TPR: variants seen among roughly 807,000 people sequenced by gnomAD.
The protein encoded by TPR is nucleoprotein TPR.
Under a neutral mutation model 316.1 loss-of-function variants are expected in TPR, and 51 were observed. That is an observed-to-expected ratio of 0.16 (90% confidence interval 0.13 to 0.20). TPR has a LOEUF of 0.20. Ranked by LOEUF, TPR falls within the 10% of genes least tolerant of loss-of-function variation. The pLI is 1.00. For missense variants in TPR, 2,272 were observed against 2,754.8 expected (o/e 0.82, Z 3.92); for synonymous variants, 981 against 914.7 (o/e 1.07, Z -1.31).
At chr1:186,349,856 G>T (rs944278571) in intron 21 of TPR, among the ~76,000 whole-genome samples, 2 of 152,086 alleles carry the variant, frequency 1.3e-5, no homozygotes, top group African/African-American at 4.8e-5. Context: ...TTCTTTAAGA[G>T]AAACTTATTC....
intron 3 of TPR, among the ~76,000 whole-genome samples, chr1:186,370,454 C>A (rs926181851): frequency 6.6e-6 from 1 of 151,936 alleles, no homozygotes; most frequent in Non-Finnish European, 1.5e-5. Flanking sequence ...GGCTTTTTTG[C>A]GCCTATTCAG....
chr1:186,347,592 A>G (rs899329045), intron 21 of TPR, 134 bp from the exon 22 acceptor site: 3 of 878,512 alleles, frequency 3.4e-6, no homozygotes, highest in Non-Finnish European at 4.7e-6. Flanking sequence ...ATCCATGCCG[A>G]ATACCAAAAT....
chr1:186,356,466 C>T lies in TPR; in HGVS notation c.1725-17G>A. 1 of 1,599,186 alleles carries T rather than the reference C, an allele frequency of 6.3e-7. No homozygotes were observed. The highest frequency in any genetic ancestry group is 1.1e-5 in the South Asian group (1 of 89,516). ...TCAGTGATTCTGTAGAAAAAGTCGG[C>T]CTAATTCACAGGACTGAACTGAGAG... On this transcript the variant is annotated splice_polypyrimidine_tract_variant and intron_variant, in intron 14 of 50. Coordinates refer to ENST00000367478, the MANE Select transcript of TPR (RefSeq NM_003292.3).
intron 3 of TPR, 59 bp from the exon 4 acceptor site, chr1:186,368,041 C>A: frequency 8.0e-7 from 1 of 1,246,754 alleles, no homozygotes; most frequent in South Asian, 1.3e-5. Context: ...GGAAAGCGAA[C>A]ATAGAATTGT....
chr1:186,349,485 C>G (rs1018734099), intron 21 of TPR, among the ~76,000 whole-genome samples: 13 of 149,776 alleles, frequency 8.7e-5, no homozygotes, highest in African/African-American at 3.3e-4. Flanking sequence ...AACCCCATCT[C>G]TACTAAAAAA....
At chr1:186,350,491 G>A in intron 20 of TPR, 103 bp from the exon 21 acceptor site, 1 of 862,084 alleles carries the variant, frequency 1.2e-6, no homozygotes, top group Non-Finnish European at 1.6e-6. Flanking sequence ...GAGAGTAACA[G>A]AAAACAGATT....
chr1:186,368,016 A>C, intron 3 of TPR, 34 bp from the exon 4 acceptor site: 1 of 1,484,286 alleles, frequency 6.7e-7, no homozygotes, highest in Non-Finnish European at 9.3e-7. Context: ...TAAGAAAATC[A>C]AGTAGAGCAA....
rs1659191659 is a variant in TPR, at chr1:186,361,640, A to G, written c.940T>C (p.Leu314=). ...CACTTACCTTCACCAGCTTCTTTCA[A>G]AAGTTTGTGTAGTTCCTCTACTGCC... The part of the protein sequence containing the change: ...TRAVEELHKL[L]KEAGEANKAI... The change falls in exon 9 of 51, where the codon TTG becomes CTG. Residue 314 remains leucine, a synonymous_variant. Transcript: ENST00000367478. The G allele has an allele frequency of 6.2e-7, 1 of 1,613,246 alleles. No individual in the cohort carries two copies. The highest frequency in any genetic ancestry group is 1.3e-5 in the African/African-American group (1 of 74,896).
chr1:186,342,150 T>C (rs1658527431), intron 27 of TPR: 1 of 152,348 alleles, frequency 6.6e-6, no homozygotes, highest in Admixed American at 6.5e-5. Flanking sequence ...TTTTTTTGTA[T>C]TTTTAGTAGA....
chr1:186,327,042 T>A (rs1334989804), intron 40 of TPR, among the ~76,000 whole-genome samples: 1 of 43,632 alleles, frequency 2.3e-5, no homozygotes, highest in Non-Finnish European at 4.2e-5. Context: ...TAAATATATA[T>A]AAATATATAA....
At chr1:186,346,330 T>C (rs752131878) in intron 22 of TPR, 43 bp from the exon 23 acceptor site, 2 of 1,536,108 alleles carry the variant, frequency 1.3e-6, no homozygotes, top group Non-Finnish European at 1.8e-6. Flanking sequence ...ATTACACACA[T>C]TTAAAGTCAT....
chr1:186,331,464 A>G, intron 39 of TPR, 34 bp downstream of exon 39: 1 of 1,479,958 alleles, frequency 6.8e-7, no homozygotes, highest in Non-Finnish European at 9.3e-7. Context: ...CACGAAAAGC[A>G]ACGGTGTGGT....
chr1:186,375,141 G>T lies in TPR; in HGVS notation c.-113C>A. The T allele has an allele frequency of 6.4e-7, 1 of 1,550,950 alleles. No individual in the cohort carries two copies. Among genetic ancestry groups the T allele is most frequent in the Non-Finnish European group, 8.7e-7 (1 of 1,147,850 alleles). On this transcript the variant is annotated 5_prime_UTR_variant, in exon 1 of 51. Coordinates refer to ENST00000367478, the MANE Select transcript of TPR (RefSeq NM_003292.3). Reference sequence around the variant, plus strand: ...GGCCGCCGCCTCTATCACCTCGCTCGGTGGCTCGCGCGCGCCCGCCCGCCG... The same window carrying T: ...GGCCGCCGCCTCTATCACCTCGCTCTGTGGCTCGCGCGCGCCCGCCCGCCG...
intron 5 of TPR, 75 bp from the exon 6 acceptor site, chr1:186,363,076 A>G (rs2101986213): frequency 7.0e-7 from 1 of 1,430,004 alleles, no homozygotes. Context: ...GTCTGTAGCT[A>G]AGGGACACAA....
chr1:186,332,239 G>T lies in TPR; in HGVS notation c.5560C>A (p.Pro1854Thr). ...DQVSDDTVEM[P>T]LPKKLKSVTP... ...ACACTTTTCAACTTCTTTGGAAGAG[G>T]CATTTCCACTGTATCATCAGAGACT... The change falls in exon 38 of 51, where the codon CCT (proline) becomes ACT (threonine). Residue 1854 changes from proline to threonine, a missense_variant. Transcript: ENST00000367478. 1 of 1,612,106 alleles carries T rather than the reference G, an allele frequency of 6.2e-7. No homozygotes were observed. The highest frequency in any genetic ancestry group is 8.5e-7 in the Non-Finnish European group (1 of 1,179,184).
chr1:186,327,299 A>ATAAATATATT (rs1658025596), intron 40 of TPR, among the ~76,000 whole-genome samples, 161 bp downstream of exon 40: 3 of 41,160 alleles, frequency 7.3e-5, no homozygotes, highest in Non-Finnish European at 1.4e-4. Flanking sequence ...ATAAATATAT[A>ATAAATATATT]ATATATAATA....
intron 22 of TPR, 42 bp downstream of exon 22, chr1:186,347,250 A>T: frequency 6.2e-7 from 1 of 1,600,746 alleles, no homozygotes; most frequent in Non-Finnish European, 8.5e-7. Flanking sequence ...CAAAGTTAAC[A>T]AATGTGTTGA....
At position 186,313,747 on chromosome 1, in the gene TPR, C is replaced by T; in HGVS notation, c.*224G>A. On this transcript the variant is annotated 3_prime_UTR_variant, in exon 51 of 51. Coordinates refer to ENST00000367478, the MANE Select transcript of TPR (RefSeq NM_003292.3). ...GCAATTACTACTCGTTCTGGGCAGA[C>T]CTTATCCAAAGTCTGGTACAACTGT... 1.2e-6 allele frequency: 2 copies of T among 1,608,784 alleles called. No homozygotes were observed. The highest frequency in any genetic ancestry group is 1.7e-6 in the Non-Finnish European group (2 of 1,175,354).
chr1:186,333,954 G>GC (rs1427885880), intron 36 of TPR, among the ~76,000 whole-genome samples: 5 of 152,118 alleles, frequency 3.3e-5, no homozygotes, highest in Admixed American at 1.3e-4. Context: ...CCCTTGAGGA[G>GC]CTCAATGTAG....
Sources: allele counts gnomAD v4.1 joint callset (sites outside exome capture counted in the v4.1 genomes callset), GRCh38; gene constraint gnomAD v4.1.1; transcripts MANE v1.5; gene names NCBI Gene and HGNC (gene_info 2026-07-23, HGNC 2026-07-21).